Variants in POU2F3 observed in about 807,000 individuals in gnomAD.
POU2F3 encodes POU class 2 homeobox 3, also known as POU domain, class 2, transcription factor 3.
Under a neutral mutation model 59.2 loss-of-function variants are expected in POU2F3, and 23 were observed. The ratio of observed to expected loss-of-function variants is 0.39; its 90% CI spans 0.28 to 0.55. The LOEUF is 0.55. Ranked by LOEUF, POU2F3 falls within the 20% of genes least tolerant of loss-of-function variation. The pLI is 0.66. For synonymous variants in POU2F3, 190 were observed against 214.6 expected, an observed-to-expected ratio of 0.89 and a Z score of 1.00; for missense variants, 473 against 544.5, an observed-to-expected ratio of 0.87 and a Z score of 1.31.
chr11:120,316,745 C>A (rs1328284970), intron 11 of POU2F3, among the ~76,000 whole-genome samples: 1 of 152,228 alleles, frequency 6.6e-6, no homozygotes, highest in Non-Finnish European at 1.5e-5. Context: ...ACTCTAGTTT[C>A]TAGAAAACCA....
intron 11 of POU2F3, 36 bp downstream of exon 11, chr11:120,315,463 A>C (rs370212657): frequency 6.3e-7 from 1 of 1,577,102 alleles, no homozygotes; most frequent in Non-Finnish European, 8.7e-7. Flanking sequence ...AGAACACCAG[A>C]ATTCTTTTAA....
chr11:120,283,059 G>A (rs1940636835), intron 3 of POU2F3, among the ~76,000 whole-genome samples: 1 of 152,240 alleles, frequency 6.6e-6, no homozygotes, highest in East Asian at 1.9e-4. Flanking sequence ...TGAGAAGAGT[G>A]ATCAAGCTGG....
At chr11:120,238,940 A>G (rs565390758), upstream of POU2F3, among the ~76,000 whole-genome samples, 1 of 152,048 alleles carries the variant, frequency 6.6e-6, no homozygotes, top group East Asian at 1.9e-4. Flanking sequence ...GGTTTTGAGG[A>G]CTAAACAAGA....
At chr11:120,317,713 G>A (rs1480421692) in intron 12 of POU2F3, among the ~76,000 whole-genome samples, 1 of 151,988 alleles carries the variant, frequency 6.6e-6, no homozygotes, top group Non-Finnish European at 1.5e-5. Flanking sequence ...TCTGATGTGA[G>A]CCCAGAGCTT....
At chr11:120,273,915 G>T (rs1591399969) in intron 3 of POU2F3, among the ~76,000 whole-genome samples, 1 of 152,062 alleles carries the variant, frequency 6.6e-6, no homozygotes, top group East Asian at 1.9e-4. Flanking sequence ...TACTCAGGAG[G>T]CTGAGGCAGG....
At chr11:120,236,905 A>G (rs1295746134), upstream of POU2F3, among the ~76,000 whole-genome samples, 1 of 152,176 alleles carries the variant, frequency 6.6e-6, no homozygotes, top group Non-Finnish European at 1.5e-5. Context: ...GTCTCTGCTG[A>G]GCCATATGTT....
At chr11:120,315,769 C>T (rs1184962813) in intron 11 of POU2F3, among the ~76,000 whole-genome samples, 7 of 152,012 alleles carry the variant, frequency 4.6e-5, no homozygotes, top group Non-Finnish European at 7.4e-5. Context: ...ATTATTTCAA[C>T]GCACTAGACA....
intron 2 of POU2F3, chr11:120,259,401 G>A (rs1939498236): frequency 6.6e-6 from 1 of 152,166 alleles, no homozygotes; most frequent in African/African-American, 2.4e-5. Flanking sequence ...CTGAGTTTAG[G>A]AAAGAAAAAG....
intron 3 of POU2F3, among the ~76,000 whole-genome samples, chr11:120,278,925 A>T (rs1296251669): frequency 6.6e-6 from 1 of 152,192 alleles, no homozygotes; most frequent in East Asian, 1.9e-4. Flanking sequence ...AAAAAAGATT[A>T]AATAACTCCC....
At chr11:120,252,212 T>TC (rs1307865580) in intron 2 of POU2F3, among the ~76,000 whole-genome samples, 1 of 149,848 alleles carries the variant, frequency 6.7e-6, no homozygotes, top group East Asian at 1.9e-4. Context: ...TTTTCTTTTT[T>TC]TTTTTTTTTT....
At chr11:120,293,868 T>C (rs1050715884) in intron 3 of POU2F3, among the ~76,000 whole-genome samples, 13 of 152,104 alleles carry the variant, frequency 8.5e-5, no homozygotes, top group African/African-American at 3.1e-4. Context: ...CTCCTACCCT[T>C]GGGATGTGTG....
In POU2F3 at chr11:120,309,573, A is replaced by G. The variant is rs776725395; in HGVS notation, c.1055A>G (p.Tyr352Cys). Residue 352 changes from tyrosine (Y) to cysteine (C), a missense_variant, in exon 10 of 13, where the codon TAC (tyrosine) becomes TGC (cysteine). Transcript: ENST00000543440. The stretch of plus-strand genomic sequence containing the variant: ...GCCACACCCATCAAACCACCTGTCT[A>G]CAACTCCCGGCTGGTGAGTGGCCAG... ...PVATPIKPPV[Y>C]NSRLVSPSGS... 1 of 1,613,698 alleles carries G rather than the reference A, an allele frequency of 6.2e-7. No individual in the cohort carries two copies. The highest frequency in any genetic ancestry group is 8.5e-7 in the Non-Finnish European group (1 of 1,179,624).
Position 120,305,050 on chromosome 11 carries a change from G to T in POU2F3, c.465G>T (p.Leu155=), listed in dbSNP as rs1357469746. ...ATCAGGCATTTGGGCACCCTGGGCT[G>T]CCAGGATCCTCTTTAGAACCCCACC... is the stretch of plus-strand genomic sequence containing the variant. ...LASQAFGHPG[L]PGSSLEPHLE... The change falls in exon 7 of 13, where the codon CTG becomes CTT. Residue 155 remains leucine, a synonymous_variant. Coordinates refer to ENST00000543440, the MANE Select transcript of POU2F3 (RefSeq NM_014352.4). 3.1e-6 allele frequency: 5 copies of T among 1,610,680 alleles called. No homozygotes were observed. The Admixed American group carries it at 8.4e-5, about 27-fold the overall frequency.
intron 2 of POU2F3, among the ~76,000 whole-genome samples, chr11:120,252,419 G>T (rs1230023383): frequency 6.6e-6 from 1 of 151,634 alleles, no homozygotes; most frequent in African/African-American, 2.4e-5. Flanking sequence ...TGTTGGCCAG[G>T]CTGGTCTCAA....
chr11:120,304,946 A>T, intron 6 of POU2F3, 84 bp from the exon 7 acceptor site: 1 of 567,766 alleles, frequency 1.8e-6, no homozygotes. Flanking sequence ...TATTAGTAAA[A>T]AAAAAAAAAA....
At chr11:120,237,251 G>A (rs1565347031), upstream of POU2F3, among the ~76,000 whole-genome samples, 2 of 152,178 alleles carry the variant, frequency 1.3e-5, no homozygotes, top group East Asian at 1.9e-4. Context: ...TGGCACGTAG[G>A]AAGCACTCAA....
intron 3 of POU2F3, among the ~76,000 whole-genome samples, chr11:120,296,108 T>C (rs6589806): frequency 0.41 from 62,082 of 152,000 alleles, 15,481 homozygotes; most frequent in East Asian, 0.79. Context: ...GACGGGGAAA[T>C]TGAGTCCCAT....
upstream of POU2F3, among the ~76,000 whole-genome samples, chr11:120,238,028 G>A (rs1938542844): frequency 6.6e-6 from 1 of 152,070 alleles, no homozygotes; most frequent in Non-Finnish European, 1.5e-5. Flanking sequence ...ATCACCTGAG[G>A]TCAGGAGTTT....
At chr11:120,284,002 A>AT (rs1940683404) in intron 3 of POU2F3, among the ~76,000 whole-genome samples, 1 of 151,658 alleles carries the variant, frequency 6.6e-6, no homozygotes, top group African/African-American at 2.4e-5. Context: ...ACATGGTAAA[A>AT]CCCCATCTCT....
Sources: gnomAD v4.1 joint callset for allele counts (sites outside exome capture counted in the v4.1 genomes callset) on GRCh38, gnomAD v4.1.1 for gene constraint, MANE v1.5 for transcripts, NCBI Gene and HGNC (gene_info 2026-07-23, HGNC 2026-07-21) for gene names.